The following PLAT variants were observed in gnomAD, a reference collection of about 807,000 sequenced individuals.
The protein encoded by PLAT is plasminogen activator, tissue type.
PLAT carries 48 observed loss-of-function variants against 74.9 expected under a neutral mutation model. The observed-to-expected ratio is 0.64, with a 90% confidence interval of 0.51 to 0.82. The LOEUF (loss-of-function observed/expected upper bound fraction) is 0.82. Ranked by LOEUF, PLAT falls within the 40% of genes least tolerant of loss-of-function variation. The pLI is 0.00. For synonymous variants in PLAT, 307 were observed against 294.4 expected (o/e 1.04, Z -0.44); for missense variants, 673 against 736.2 (o/e 0.91, Z 0.99).
chr8:42,200,136 TA>T (rs2129810674), intron 1 of PLAT, among the ~76,000 whole-genome samples: 1 of 152,338 alleles, frequency 6.6e-6, no homozygotes. Flanking sequence ...GATATTTGAG[TA>T]GCTTCTACCT....
intron 13 of PLAT, 108 bp downstream of exon 13, chr8:42,178,789 G>C (rs1268907831): frequency 9.4e-7 from 1 of 1,068,942 alleles, no homozygotes; most frequent in African/African-American, 1.6e-5. Flanking sequence ...TCACTAAGAG[G>C]AAATCACTCC....
At chr8:42,194,239 AGAGTGT>A (rs1395977977) in intron 1 of PLAT, among the ~76,000 whole-genome samples, 123 of 106,226 alleles carry the variant, frequency 1.2e-3, no homozygotes, top group Non-Finnish European at 1.9e-3. Flanking sequence ...AGAGAGAGAG[AGAGTGT>A]GTGTGTGTGT....
At position 42,203,992 on chromosome 8, in the gene PLAT, TACACACACACAC is replaced by T. The variant is rs775189467; in HGVS notation, c.-27+3490_-27+3501del. Among the ~76,000 whole-genome samples the T allele has an allele frequency of 3.8e-3, 421 of 109,402 alleles. 1 individual carries two copies. The highest frequency in any genetic ancestry group is 5.1e-3 in the Non-Finnish European group (302 of 59,220). The allele number at this position is 109,402 out of a possible 152,430, so 71.8% of individuals were successfully genotyped here. ...AATTATATATATATATATATATATATACACACACACACACACACACACACACACACACACACA... is the reference window on the plus strand; with the variant it reads ...AATTATATATATATATATATATATATACACACACACACACACACACACACA... On this transcript the variant is annotated intron_variant, in intron 1 of 13. Transcript: ENST00000220809.
At position 42,180,036 on chromosome 8, in the gene PLAT, C is replaced by T. The variant is rs753320550; in HGVS notation, c.1253G>A (p.Arg418His). ...GACCACGCTGCTCTCCTGGGCACAG[C>T]GGGACGAATCCGATTTCAGCTGCAG... ...ALLQLKSDSS[R>H]CAQESSVVRT... is the part of the protein sequence containing the mutation. The change falls in exon 12 of 14, where the codon CGC becomes CAC. Residue 418 changes from arginine to histidine, a missense_variant. Physicochemically the swap from Arg to His is conservative, Grantham distance 29 (BLOSUM62 0). Coordinates refer to ENST00000220809, the MANE Select transcript of PLAT (RefSeq NM_000930.5). The T allele has an allele frequency of 2.8e-5, 45 of 1,608,378 alleles. No individual in the cohort carries two copies. Among genetic ancestry groups the T allele is most frequent in the Non-Finnish European group, 3.7e-5 (44 of 1,176,646 alleles).
Position 42,203,992 on chromosome 8 carries a change from TACACAC to T in PLAT, c.-27+3496_-27+3501del, listed in dbSNP as rs775189467. Among the ~76,000 whole-genome samples, 545 of 109,822 alleles carry T rather than the reference TACACAC, an allele frequency of 5.0e-3. 9 individuals carry two copies. The highest frequency in any genetic ancestry group is 0.023 in the African/African-American group (443 of 19,320). The allele number at this position is 109,822 out of a possible 152,430, so 72.0% of individuals were successfully genotyped here. ...AATTATATATATATATATATATATA[TACACAC>T]ACACACACACACACACACACACACA... On this transcript the variant is annotated intron_variant, in intron 1 of 13. Transcript: ENST00000220809.
chr8:42,194,241 A>AGAGAGTGTGTGT (rs1419569830), intron 1 of PLAT, among the ~76,000 whole-genome samples: 7 of 52,542 alleles, frequency 1.3e-4, no homozygotes, highest in African/African-American at 4.7e-4. Flanking sequence ...AGAGAGAGAG[A>AGAGAGTGTGTGT]GTGTGTGTGT....
At chr8:42,189,171 T>C (rs1805596059) in intron 3 of PLAT, 100 bp from the exon 4 acceptor site, 3 of 1,195,474 alleles carry the variant, frequency 2.5e-6, no homozygotes, top group Non-Finnish European at 3.6e-6. Flanking sequence ...TTGCTTTCTA[T>C]AGACTCCATT....
chr8:42,203,419 T>G (rs1280534555), intron 1 of PLAT, among the ~76,000 whole-genome samples: 1 of 152,218 alleles, frequency 6.6e-6, no homozygotes, highest in Non-Finnish European at 1.5e-5. Flanking sequence ...AGTCATATAC[T>G]TGTATAGGAA....
Position 42,187,323 on chromosome 8 carries a change from C to T in PLAT, c.539+75G>A, listed in dbSNP as rs920847922. 9.2e-5 allele frequency: 123 copies of T among 1,336,114 alleles called. No individual in the cohort carries two copies. The East Asian group carries it at 1.7e-3, about 19-fold the overall frequency. The allele number at this position is 1,336,114 out of a possible 1,614,324, so 82.8% of individuals were successfully genotyped here. A position where few individuals can be genotyped will look rare whatever the true frequency, so the allele number is the denominator to read the frequency against. On this transcript the variant is annotated intron_variant, in intron 6 of 13. Transcript: ENST00000220809. ...GTTATGTTTCTTGGGAGAACCCTGA[C>T]GGATCTGACAGAATCTTTCCCCAGC...
chr8:42,183,852 C>T (rs527304874), intron 7 of PLAT, among the ~76,000 whole-genome samples: 1 of 152,078 alleles, frequency 6.6e-6, no homozygotes, highest in African/African-American at 2.4e-5. Flanking sequence ...GACCTGGGTG[C>T]TGAATGCATA....
chr8:42,176,626 C>T (rs527699200), intron 13 of PLAT, among the ~76,000 whole-genome samples: 7 of 152,340 alleles, frequency 4.6e-5, no homozygotes, highest in East Asian at 3.9e-4. Context: ...GCTAAATACA[C>T]GAATGCATGA....
chr8:42,202,811 T>A (rs1806186732), intron 1 of PLAT, among the ~76,000 whole-genome samples: 1 of 152,038 alleles, frequency 6.6e-6, no homozygotes, highest in Admixed American at 6.5e-5. Context: ...TTGTTGAGGT[T>A]GGGGTGGTCA....
intron 1 of PLAT, among the ~76,000 whole-genome samples, chr8:42,203,992 T>TATATACACACACAC (rs1554499838): frequency 9.1e-6 from 1 of 109,892 alleles, no homozygotes; most frequent in African/African-American, 5.2e-5. Context: ...TATATATATA[T>TATATACACACACAC]ACACACACAC....
intron 13 of PLAT, among the ~76,000 whole-genome samples, chr8:42,177,979 T>C (rs1805039004): frequency 6.6e-6 from 1 of 152,220 alleles, no homozygotes; most frequent in Admixed American, 6.5e-5. Context: ...CTGAGGAAGA[T>C]CAATTCCTTG....
In PLAT at chr8:42,175,010, G is replaced by A. The variant is rs963392688; in HGVS notation, c.*983C>T. On this transcript the variant is annotated 3_prime_UTR_variant, in exon 14 of 14. Coordinates refer to ENST00000220809, the MANE Select transcript of PLAT (RefSeq NM_000930.5). ...ACTACAAGTCTGCCCTTTTGTGACC[G>A]GCTCCACTGTACCTTGGTACTTCTC... 6.6e-6 allele frequency among the ~76,000 whole-genome samples: 1 copy of A among 152,026 alleles called. No individual in the cohort carries two copies.
chr8:42,190,283 C>T (rs116364955), intron 3 of PLAT, among the ~76,000 whole-genome samples: 1,807 of 152,198 alleles, frequency 0.012, 29 homozygotes, highest in South Asian at 0.056. Flanking sequence ...TAACTGTCTA[C>T]CAGAGTTTTT....
rs766660607 is a variant in PLAT at position 42,176,003 on chromosome 8, A to G, written c.1679T>C (p.Met560Thr). The G allele has an allele frequency of 6.2e-7, 1 of 1,614,106 alleles. No individual in the cohort carries two copies. The highest frequency in any genetic ancestry group is 2.2e-5 in the East Asian group (1 of 44,878). ...GTCGGGTGTTCCTGGTCACGGTCGCATGTTGTCACGAATCCAGTCTAGGTA... is the reference window on the plus strand; with the variant it reads ...GTCGGGTGTTCCTGGTCACGGTCGCGTGTTGTCACGAATCCAGTCTAGGTA... ...TNYLDWIRDN[M>T]RP The change falls in exon 14 of 14, where the codon ATG (methionine) becomes ACG (threonine). Residue 560 changes from methionine (M) to threonine (T), a missense_variant. Transcript: ENST00000220809.
chr8:42,194,241 A>AGAGAGAGAGAGAGAGAGAGAGTGTGTGT (rs1419569830), intron 1 of PLAT, among the ~76,000 whole-genome samples: 2 of 52,544 alleles, frequency 3.8e-5, no homozygotes, highest in African/African-American at 1.3e-4. Context: ...AGAGAGAGAG[A>AGAGAGAGAGAGAGAGAGAGAGTGTGTGT]GTGTGTGTGT....
rs777301185 is a variant in PLAT at position 42,178,881 on chromosome 8, C to T, written c.1530+16G>A. 15 of 1,611,210 alleles carry T rather than the reference C, an allele frequency of 9.3e-6. No individual in the cohort carries two copies. The highest frequency in any genetic ancestry group is 4.4e-5 in the South Asian group (4 of 90,910). On this transcript the variant is annotated intron_variant, in intron 13 of 13. Coordinates refer to ENST00000220809, the MANE Select transcript of PLAT (RefSeq NM_000930.5). ...CCCTGGGTTGTGCCCAGCATGGGCG[C>T]GCCACTCCTGGTTACCTGGCAGGCG...
Sources: gnomAD v4.1 joint callset for allele counts (sites outside exome capture counted in the v4.1 genomes callset) on GRCh38, gnomAD v4.1.1 for gene constraint, MANE v1.5 for transcripts, NCBI Gene and HGNC (gene_info 2026-07-23, HGNC 2026-07-21) for gene names.